Variants in CLNK observed in about 807,000 individuals in gnomAD.
CLNK encodes the protein cytokine dependent hematopoietic cell linker.
In CLNK, 74 loss-of-function variants were observed where a neutral mutation model predicts 68.6. The observed-to-expected ratio is 1.08, with a 90% CI of 0.89 to 1.31. The LOEUF (loss-of-function observed/expected upper bound fraction) is 1.31. Among genes scored for constraint, CLNK ranks in the 50% most tolerant of loss-of-function variants. The pLI is 0.00. For missense variants in CLNK, 553 were observed against 515.3 expected, an observed-to-expected ratio of 1.07 and a Z score of -0.71; for synonymous variants, 198 against 172.2, an observed-to-expected ratio of 1.15 and a Z score of -1.17.
chr4:10,652,562 G>T (rs939529588), intron 2 of CLNK, among the ~76,000 whole-genome samples: 3 of 151,924 alleles, frequency 2.0e-5, no homozygotes, highest in Admixed American at 1.3e-4. Context: ...TATATTAATG[G>T]CAGGCAAAAT....
chr4:10,642,419 A>AT (rs1560258200), intron 2 of CLNK, among the ~76,000 whole-genome samples: 4 of 152,078 alleles, frequency 2.6e-5, no homozygotes, highest in South Asian at 2.1e-4. Flanking sequence ...AATAAGGAAC[A>AT]TTTTTTTTCT....
At chr4:10,510,567 G>C (rs1021235496) in intron 16 of CLNK, among the ~76,000 whole-genome samples, 2 of 152,194 alleles carry the variant, frequency 1.3e-5, no homozygotes. Flanking sequence ...AGACTAGTTT[G>C]GGTCATGATG....
At chr4:10,600,734 T>C (rs1240940101) in intron 2 of CLNK, among the ~76,000 whole-genome samples, 1 of 152,244 alleles carries the variant, frequency 6.6e-6, no homozygotes. Context: ...GCGAGCCATG[T>C]AGTTAACTGG....
At chr4:10,582,634 A>G (rs1720824409) in intron 4 of CLNK, among the ~76,000 whole-genome samples, 1 of 152,178 alleles carries the variant, frequency 6.6e-6, no homozygotes, top group South Asian at 2.1e-4. Flanking sequence ...TGACCTTGAC[A>G]GACTGTCCCA....
intron 2 of CLNK, among the ~76,000 whole-genome samples, chr4:10,631,044 G>T (rs746741802): frequency 2.8e-5 from 4 of 141,838 alleles, no homozygotes; most frequent in Non-Finnish European, 6.5e-5. Flanking sequence ...CCAAATGCCA[G>T]TGCTGCTTTA....
intron 16 of CLNK, among the ~76,000 whole-genome samples, chr4:10,510,351 A>T (rs1035473473): frequency 6.6e-6 from 1 of 152,138 alleles, no homozygotes; most frequent in Admixed American, 6.5e-5. Flanking sequence ...CTCTTCTTTA[A>T]CAGAAGAAGA....
chr4:10,487,630 T>TG lies in CLNK; in HGVS notation c.*2836_*2837insC, dbSNP rs1716395972. The stretch of plus-strand genomic sequence containing the variant: ...CCACAGCATTTGCAGGTCTTTTTTT[T>TG]TTGTTGTTTTTCTTTTTCCCAGGAT... On this transcript the variant is annotated 3_prime_UTR_variant, in exon 19 of 19. Coordinates refer to ENST00000226951, the MANE Select transcript of CLNK (RefSeq NM_052964.4). 6.6e-6 allele frequency: 1 copy of TG among 152,110 alleles called. No individual in the cohort carries two copies. Among genetic ancestry groups the TG allele is most frequent in the African/African-American group, 2.4e-5 (1 of 41,390 alleles). 9.4% of individuals were successfully genotyped at this position (152,110 alleles called of 1,614,324 possible).
chr4:10,605,919 G>A (rs1450056671), intron 2 of CLNK, among the ~76,000 whole-genome samples: 1 of 151,980 alleles, frequency 6.6e-6, no homozygotes, highest in Non-Finnish European at 1.5e-5. Context: ...TTGCAGGACA[G>A]GAATTTGCTC....
chr4:10,541,988 T>G, intron 10 of CLNK, 34 bp downstream of exon 10: 1 of 1,480,464 alleles, frequency 6.8e-7, no homozygotes, highest in Non-Finnish European at 9.2e-7. Flanking sequence ...TTTCATTGTA[T>G]AGCGAAAAAA....
At chr4:10,508,530 G>A (rs73226447) in intron 16 of CLNK, among the ~76,000 whole-genome samples, 6,137 of 152,096 alleles carry the variant, frequency 0.04, 207 homozygotes, top group Non-Finnish European at 0.063. Flanking sequence ...TCCCTGGGCC[G>A]CACTGCTTTA....
intron 7 of CLNK, among the ~76,000 whole-genome samples, chr4:10,560,338 A>C (rs1719838053): frequency 6.6e-6 from 1 of 152,224 alleles, no homozygotes; most frequent in South Asian, 2.1e-4. Context: ...GTTTAGGGCA[A>C]GACAGTTGTC....
intron 4 of CLNK, among the ~76,000 whole-genome samples, chr4:10,574,537 C>T (rs891947224): frequency 3.3e-5 from 5 of 152,110 alleles, no homozygotes; most frequent in Admixed American, 6.5e-5. Flanking sequence ...TCAGTTTAGC[C>T]GGAAACCACC....
intron 2 of CLNK, among the ~76,000 whole-genome samples, chr4:10,633,414 GCA>G (rs1722963504): frequency 6.6e-6 from 1 of 152,218 alleles, no homozygotes; most frequent in South Asian, 2.1e-4. Flanking sequence ...TCTGATGCAA[GCA>G]CAGATTTATT....
intron 11 of CLNK, 127 bp from the exon 12 acceptor site, chr4:10,532,410 G>A (rs1718580983): frequency 1.4e-6 from 1 of 716,070 alleles, no homozygotes; most frequent in Non-Finnish European, 2.4e-6. Flanking sequence ...AGTCCAGTGA[G>A]ATATTTATCA....
chr4:10,613,875 G>A (rs1292568913), intron 2 of CLNK, among the ~76,000 whole-genome samples: 1 of 152,174 alleles, frequency 6.6e-6, no homozygotes, highest in African/African-American at 2.4e-5. Flanking sequence ...CTGACTCTGT[G>A]GCTTTGTCTT....
the CLNK span, among the ~76,000 whole-genome samples, chr4:10,722,232 C>T: frequency 6.6e-6 from 1 of 152,052 alleles, no homozygotes; most frequent in African/African-American, 2.4e-5. Flanking sequence ...GAGCAACTCA[C>T]CAATTTGGTG....
chr4:10,577,711 T>C lies in CLNK; in HGVS notation c.113-5933A>G, dbSNP rs78740985. On this transcript the variant is annotated intron_variant, in intron 4 of 18. Transcript: ENST00000226951. Reference sequence around the variant, plus strand: ...GAGCAAGAAGGCGGGAAGAACAGGGTCTCTGAGGACTTTCAGGAGCAGAGC... The same window carrying C: ...GAGCAAGAAGGCGGGAAGAACAGGGCCTCTGAGGACTTTCAGGAGCAGAGC... Among the ~76,000 whole-genome samples, 1,192 of 151,890 alleles carry C rather than the reference T, an allele frequency of 7.8e-3. 22 individuals carry two copies. Among genetic ancestry groups the C allele is most frequent in the East Asian group, 0.065 (336 of 5,170 alleles).
intron 8 of CLNK, among the ~76,000 whole-genome samples, chr4:10,542,523 A>G (rs1460638882): frequency 6.6e-6 from 1 of 152,024 alleles, no homozygotes; most frequent in Non-Finnish European, 1.5e-5. Context: ...TAAATATCTC[A>G]CCTACACTCA....
At chr4:10,704,175 A>T in the CLNK span, among the ~76,000 whole-genome samples, 1 of 152,256 alleles carries the variant, frequency 6.6e-6, no homozygotes, top group Admixed American at 6.5e-5. Flanking sequence ...AAAAAAAGAG[A>T]GGAGGAGAGA....
Sources: gnomAD v4.1 joint callset for allele counts (sites outside exome capture counted in the v4.1 genomes callset) on GRCh38, gnomAD v4.1.1 for gene constraint, MANE v1.5 for transcripts, NCBI Gene and HGNC (gene_info 2026-07-23, HGNC 2026-07-21) for gene names.